The following ZEB1 variants were observed in gnomAD, a reference collection of about 807,000 sequenced individuals.
The protein encoded by ZEB1 is zinc finger E-box-binding homeobox 1.
In ZEB1, 21 loss-of-function variants were observed where a neutral mutation model predicts 84.9. The ratio of observed to expected loss-of-function variants is 0.25; its 90% confidence interval spans 0.18 to 0.36. The LOEUF (loss-of-function observed/expected upper bound fraction) is 0.36, where lower values mean the gene tolerates loss of function less well. ZEB1 is among the 10% of genes least tolerant of loss of function. ZEB1 has a pLI of 1.00. For missense variants in ZEB1, 1,104 were observed against 1,330.2 expected, an observed-to-expected ratio of 0.83 and a Z score of 2.65; for synonymous variants, 420 against 471.1, an observed-to-expected ratio of 0.89 and a Z score of 1.41.
chr10:31,356,202 A>T (rs1279236960), intron 1 of ZEB1, among the ~76,000 whole-genome samples: 1 of 152,122 alleles, frequency 6.6e-6, no homozygotes, highest in Non-Finnish European at 1.5e-5. Flanking sequence ...ATCGTTCCTT[A>T]AAAAATAATT....
chr10:31,525,427 T>C (rs1336884472), intron 8 of ZEB1, among the ~76,000 whole-genome samples: 3 of 152,204 alleles, frequency 2.0e-5, no homozygotes, highest in Non-Finnish European at 2.9e-5. Context: ...TCATGGTGGA[T>C]TTCGAGCTTG....
chr10:31,351,797 A>G (rs532283820), intron 1 of ZEB1, among the ~76,000 whole-genome samples: 1 of 152,336 alleles, frequency 6.6e-6, no homozygotes, highest in South Asian at 2.1e-4. Flanking sequence ...CAAGACTTTT[A>G]CAGTTGTATA....
chr10:31,413,092 G>C (rs542282158), intron 1 of ZEB1, among the ~76,000 whole-genome samples: 1 of 152,064 alleles, frequency 6.6e-6, no homozygotes, highest in Non-Finnish European at 1.5e-5. Flanking sequence ...TGGAAAATCA[G>C]CATTAGAAGC....
At chr10:31,486,548 ATTTTC>A (rs1380104179) in intron 2 of ZEB1, among the ~76,000 whole-genome samples, 1 of 138,266 alleles carries the variant, frequency 7.2e-6, no homozygotes, top group Non-Finnish European at 1.6e-5. Context: ...CCTTTTGTGT[ATTTTC>A]TTTTCTTTTT....
intron 1 of ZEB1, among the ~76,000 whole-genome samples, chr10:31,451,425 T>C (rs375324341): frequency 6.6e-6 from 1 of 152,172 alleles, no homozygotes; most frequent in African/African-American, 2.4e-5. Flanking sequence ...GGCTTCTCTA[T>C]TTTTTGACTA....
chr10:31,369,566 A>G (rs1271516733), intron 1 of ZEB1, among the ~76,000 whole-genome samples: 2 of 152,198 alleles, frequency 1.3e-5, no homozygotes, highest in Non-Finnish European at 2.9e-5. Context: ...ATAGTATTCC[A>G]TTGTCTGTAT....
At chr10:31,446,943 G>A (rs1362858464) in intron 1 of ZEB1, among the ~76,000 whole-genome samples, 1 of 152,114 alleles carries the variant, frequency 6.6e-6, no homozygotes, top group Non-Finnish European at 1.5e-5. Flanking sequence ...TTGGTTCAGA[G>A]CTGAGTTCAA....
At chr10:31,361,851 C>A (rs2043172953) in intron 1 of ZEB1, among the ~76,000 whole-genome samples, 1 of 149,630 alleles carries the variant, frequency 6.7e-6, no homozygotes, top group African/African-American at 2.5e-5. Flanking sequence ...GGAGGCCGGG[C>A]AGAGGCACTC....
At chr10:31,340,433 A>G (rs749618505) in intron 1 of ZEB1, among the ~76,000 whole-genome samples, 37 of 152,222 alleles carry the variant, frequency 2.4e-4, no homozygotes, top group Middle Eastern at 3.2e-3. Context: ...AGACCCATTG[A>G]TAGCATTTTA....
At chr10:31,504,423 G>C (rs539244095) in intron 4 of ZEB1, among the ~76,000 whole-genome samples, 1 of 152,132 alleles carries the variant, frequency 6.6e-6, no homozygotes, top group Non-Finnish European at 1.5e-5. Context: ...GCTCAGGATT[G>C]CTTTGGCTAT....
intron 3 of ZEB1, among the ~76,000 whole-genome samples, chr10:31,499,207 T>A (rs774905189): frequency 6.6e-6 from 1 of 152,202 alleles, no homozygotes; most frequent in Non-Finnish European, 1.5e-5. Context: ...CCAGAAAGAC[T>A]TTACCAATAG....
chr10:31,485,019 A>G (rs1362503973), intron 2 of ZEB1, among the ~76,000 whole-genome samples: 2 of 151,822 alleles, frequency 1.3e-5, no homozygotes, highest in Non-Finnish European at 1.5e-5. Flanking sequence ...TTCAACATCT[A>G]TAGAGTTTCT....
At chr10:31,481,478 C>G (rs1361924707) in intron 2 of ZEB1, among the ~76,000 whole-genome samples, 1 of 151,746 alleles carries the variant, frequency 6.6e-6, no homozygotes, top group Non-Finnish European at 1.5e-5. Flanking sequence ...GGAAGATGAG[C>G]CTAGAATAGT....
chr10:31,498,345 G>A (rs748450080), intron 3 of ZEB1, among the ~76,000 whole-genome samples: 1 of 151,972 alleles, frequency 6.6e-6, no homozygotes, highest in Non-Finnish European at 1.5e-5. Flanking sequence ...CAATTTGTCT[G>A]CTCTAATAGT....
intron 1 of ZEB1, among the ~76,000 whole-genome samples, chr10:31,378,935 T>A (rs2047159240): frequency 6.6e-6 from 1 of 152,080 alleles, no homozygotes; most frequent in African/African-American, 2.4e-5. Flanking sequence ...CCAGTAGAAA[T>A]GCATTTACAT....
At chr10:31,389,754 T>C (rs966276747) in intron 1 of ZEB1, 3 of 152,164 alleles carry the variant, frequency 2.0e-5, no homozygotes, top group Non-Finnish European at 4.4e-5. Context: ...GCAAAATTAG[T>C]TTTCATTACA....
rs897418434 is a variant in ZEB1, at chr10:31,443,660, G to A, written c.59-17377G>A. Among the ~76,000 whole-genome samples the A allele has an allele frequency of 2.7e-5, 4 of 148,470 alleles. No homozygotes were observed. In the South Asian group the frequency reaches 6.3e-4, roughly 24 times the overall value. Reference sequence around the variant, plus strand: ...TCCCACCTATGAGTGAGAATATGCGGTGTTTGGTTTTTTGTTCTTGCGATA... The same window carrying A: ...TCCCACCTATGAGTGAGAATATGCGATGTTTGGTTTTTTGTTCTTGCGATA... On this transcript the variant is annotated intron_variant, in intron 1 of 8. Transcript: ENST00000424869.
intron 2 of ZEB1, among the ~76,000 whole-genome samples, chr10:31,464,764 A>T (rs543791846): frequency 6.6e-6 from 1 of 152,226 alleles, no homozygotes; most frequent in Non-Finnish European, 1.5e-5. Context: ...CTGACCAAGC[A>T]TACTATACCC....
chr10:31,436,711 G>A (rs950807346), intron 1 of ZEB1, among the ~76,000 whole-genome samples: 3 of 152,166 alleles, frequency 2.0e-5, no homozygotes, highest in Non-Finnish European at 2.9e-5. Context: ...AGAAGTATAC[G>A]AGGAGCATTG....
Sources: allele counts gnomAD v4.1 joint callset (sites outside exome capture counted in the v4.1 genomes callset), GRCh38; gene constraint gnomAD v4.1.1; transcripts MANE v1.5; gene names NCBI Gene and HGNC (gene_info 2026-07-23, HGNC 2026-07-21).